The following RBFOX1 variants were observed in gnomAD, a reference collection of about 807,000 sequenced individuals.
The protein encoded by RBFOX1 is RNA binding protein fox-1 homolog 1.
A neutral mutation model predicts 57.7 loss-of-function variants in RBFOX1; 8 were observed. The observed-to-expected ratio is 0.14, with a 90% CI of 0.08 to 0.25. The LOEUF (loss-of-function observed/expected upper bound fraction) is 0.25. RBFOX1 is among the 10% of genes least tolerant of loss of function. RBFOX1 has a pLI of 1.00. For synonymous variants in RBFOX1, 326 were observed against 222.4 expected, an observed-to-expected ratio of 1.47 and a Z score of -4.15; for missense variants, 611 against 548.5, an observed-to-expected ratio of 1.11 and a Z score of -1.14.
intron 1 of RBFOX1, among the ~76,000 whole-genome samples, chr16:6,088,581 A>G (rs902841889): frequency 4.0e-5 from 6 of 149,474 alleles, no homozygotes; most frequent in Non-Finnish European, 5.9e-5. Flanking sequence ...TGTGTTAGGC[A>G]GTATGTTGCA....
intron 4 of RBFOX1, among the ~76,000 whole-genome samples, chr16:7,310,799 G>C (rs1275966250): frequency 6.6e-6 from 1 of 152,190 alleles, no homozygotes; most frequent in South Asian, 2.1e-4. Flanking sequence ...CCCATTCCAT[G>C]TTGATGGAAC....
chr16:5,996,912 C>G (rs1017415934), intron 4 of RBFOX1, among the ~76,000 whole-genome samples: 2 of 152,248 alleles, frequency 1.3e-5, no homozygotes, highest in Non-Finnish European at 2.9e-5. Flanking sequence ...GCAAAAACCA[C>G]AGTTACTTTT....
chr16:6,826,627 C>CT (rs1173136342), intron 3 of RBFOX1, among the ~76,000 whole-genome samples: 3 of 152,082 alleles, frequency 2.0e-5, no homozygotes, highest in Admixed American at 6.5e-5. Flanking sequence ...ATTTTCCTTT[C>CT]TTTTTTTTAA....
At chr16:7,409,333 C>G (rs1408276665) in intron 4 of RBFOX1, among the ~76,000 whole-genome samples, 1 of 152,196 alleles carries the variant, frequency 6.6e-6, no homozygotes. Context: ...GCAGAAAGAG[C>G]CCTGTGAATT....
intron 1 of RBFOX1, among the ~76,000 whole-genome samples, chr16:5,297,005 A>G (rs1420444591): frequency 6.6e-6 from 1 of 151,804 alleles, no homozygotes; most frequent in East Asian, 1.9e-4. Flanking sequence ...TGTATTTGAG[A>G]TCTTGTGGTT....
rs182526191 is a variant in RBFOX1 at position 6,333,870 on chromosome 16, C to T, written c.-64+16813C>T. On this transcript the variant is annotated intron_variant, in intron 2 of 15. Coordinates refer to ENST00000550418, the MANE Select transcript of RBFOX1 (RefSeq NM_018723.4). ...ATATCACTAGATGATTTTCTACTGT[C>T]TCATTAGTTGAAGAAATCAAAAGAA... Among the ~76,000 whole-genome samples, 563 of 152,240 alleles carry T rather than the reference C, an allele frequency of 3.7e-3. 6 individuals carry two copies. Among genetic ancestry groups the T allele is most frequent in the Non-Finnish European group, 3.8e-3 (257 of 68,016 alleles).
intron 1 of RBFOX1, among the ~76,000 whole-genome samples, chr16:5,394,243 C>G (rs1157875555): frequency 6.6e-6 from 1 of 152,072 alleles, no homozygotes; most frequent in African/African-American, 2.4e-5. Flanking sequence ...AGGCTGATCT[C>G]AAACTCCTGA....
intron 1 of RBFOX1, among the ~76,000 whole-genome samples, chr16:6,275,945 G>T (rs2075757459): frequency 6.6e-6 from 1 of 152,132 alleles, no homozygotes; most frequent in Non-Finnish European, 1.5e-5. Context: ...GCCAGGGTGA[G>T]TTTTTGTATA....
chr16:5,416,670 T>C (rs1425465703), intron 1 of RBFOX1, among the ~76,000 whole-genome samples: 1 of 151,216 alleles, frequency 6.6e-6, no homozygotes, highest in Non-Finnish European at 1.5e-5. Flanking sequence ...GTTCCCTGTA[T>C]GTAATGTGTC....
At chr16:6,465,410 C>G (rs546187549) in intron 2 of RBFOX1, among the ~76,000 whole-genome samples, 2 of 152,216 alleles carry the variant, frequency 1.3e-5, no homozygotes, top group East Asian at 3.9e-4. Context: ...TGATACTACC[C>G]TTTAGTGGCT....
intron 3 of RBFOX1, among the ~76,000 whole-genome samples, chr16:6,858,270 A>G (rs1031947765): frequency 1.3e-5 from 2 of 152,188 alleles, no homozygotes; most frequent in Non-Finnish European, 2.9e-5. Flanking sequence ...TTTGTAGGGA[A>G]TGTTTCAGAG....
intron 3 of RBFOX1, among the ~76,000 whole-genome samples, chr16:6,788,807 T>A (rs1044525951): frequency 6.6e-6 from 1 of 152,106 alleles, no homozygotes; most frequent in African/African-American, 2.4e-5. Flanking sequence ...GCCTCTGTGA[T>A]GTCATACGAT....
intron 3 of RBFOX1, among the ~76,000 whole-genome samples, chr16:6,740,650 G>A (rs2071779017): frequency 6.6e-6 from 1 of 152,104 alleles, no homozygotes; most frequent in Admixed American, 6.5e-5. Context: ...CAGAAAAAAG[G>A]GAAATATTTA....
chr16:5,270,677 TG>T, intron 1 of RBFOX1: 3 of 534,338 alleles, frequency 5.6e-6, no homozygotes, highest in Non-Finnish European at 3.5e-6. Context: ...AAGAAGGTGT[TG>T]GAAATCATGA....
At chr16:7,687,979 T>C (rs1286230497) in intron 14 of RBFOX1, among the ~76,000 whole-genome samples, 1 of 152,032 alleles carries the variant, frequency 6.6e-6, no homozygotes, top group African/African-American at 2.4e-5. Context: ...GGTGTGGGCC[T>C]GGTCATTGGT....
At chr16:6,719,902 G>T (rs2065626489) in intron 3 of RBFOX1, among the ~76,000 whole-genome samples, 1 of 151,894 alleles carries the variant, frequency 6.6e-6, no homozygotes, top group Admixed American at 6.6e-5. Flanking sequence ...AGACCAGCCT[G>T]GCCATCATGG....
At chr16:7,263,228 A>G (rs561011641) in intron 4 of RBFOX1, among the ~76,000 whole-genome samples, 3 of 152,252 alleles carry the variant, frequency 2.0e-5, no homozygotes, top group South Asian at 4.1e-4. Context: ...CAGGATATTC[A>G]GCACCAGGAA....
chr16:6,378,501 A>G lies in RBFOX1; in HGVS notation c.-64+61444A>G, dbSNP rs564398828. On this transcript the variant is annotated intron_variant, in intron 2 of 15. Transcript: ENST00000550418. ...CTTGGTGTTCCATCTTGTTAGGGCA[A>G]GAGAGTCAGAGCACACACAGCCATC... is the stretch of plus-strand genomic sequence containing the variant. 2.6e-4 allele frequency among the ~76,000 whole-genome samples: 40 copies of G among 152,312 alleles called. 2 individuals carry two copies. The highest frequency in any genetic ancestry group is 1.4e-3 in the East Asian group (7 of 5,176).
At chr16:6,305,218 C>A (rs188777155) in intron 1 of RBFOX1, among the ~76,000 whole-genome samples, 1 of 152,230 alleles carries the variant, frequency 6.6e-6, no homozygotes, top group Non-Finnish European at 1.5e-5. Context: ...TATAGCACAA[C>A]TGCCATTCAG....
Sources: allele counts gnomAD v4.1 joint callset (sites outside exome capture counted in the v4.1 genomes callset), GRCh38; gene constraint gnomAD v4.1.1; transcripts MANE v1.5; gene names NCBI Gene and HGNC (gene_info 2026-07-23, HGNC 2026-07-21).